Variants in AKR1C3 observed in about 807,000 individuals in gnomAD.
The protein encoded by AKR1C3 is 3-alpha hydroxysteroid dehydrogenase, type II.
A neutral mutation model predicts 43.6 loss-of-function variants in AKR1C3; 48 were observed. That is an observed-to-expected ratio of 1.10 (90% confidence interval 0.87 to 1.40). AKR1C3 has a LOEUF of 1.40. Among genes scored for constraint, AKR1C3 ranks in the 40% most tolerant of loss-of-function variants. AKR1C3 has a pLI of 0.00. For missense variants in AKR1C3, 482 were observed against 391.2 expected (o/e 1.23, Z -1.96); for synonymous variants, 162 against 139.6 (o/e 1.16, Z -1.13).
At chr10:5,062,363 G>A (rs1433475322) in intron 1 of AKR1C3, among the ~76,000 whole-genome samples, 1 of 152,126 alleles carries the variant, frequency 6.6e-6, no homozygotes, top group Non-Finnish European at 1.5e-5. Flanking sequence ...TTCGTGGACT[G>A]TTTTCTGTCT....
At chr10:5,102,434 A>G (rs781990674) in intron 6 of AKR1C3, 51 bp from the exon 7 acceptor site, 1 of 1,253,692 alleles carries the variant, frequency 8.0e-7, no homozygotes, top group Non-Finnish European at 1.1e-6. Flanking sequence ...GGAGCCGCCT[A>G]ACAAACTATC....
Position 5,082,427 on chromosome 10 carries a change from C to T in AKR1C3, c.85-13983C>T, listed in dbSNP as rs191108130. ...ATATGACATTGGCTGTTAATTTGTC[C>T]TAGATGTCCCTTATTATTTTGAGTC... On this transcript the variant is annotated intron_variant, in intron 1 of 8. Transcript: ENST00000439082. Among the ~76,000 whole-genome samples the T allele has an allele frequency of 3.5e-3, 533 of 152,108 alleles. 2 individuals are homozygous for T. Among genetic ancestry groups the T allele is most frequent in the African/African-American group, 4.4e-3 (182 of 41,498 alleles).
At chr10:5,098,333 C>T (rs1397514601) in intron 3 of AKR1C3, among the ~76,000 whole-genome samples, 3 of 152,200 alleles carry the variant, frequency 2.0e-5, no homozygotes, top group African/African-American at 7.2e-5. Context: ...GGCTCATGGT[C>T]ATCACCATAA....
At chr10:5,062,558 A>G (rs1838401218) in intron 1 of AKR1C3, among the ~76,000 whole-genome samples, 1 of 152,196 alleles carries the variant, frequency 6.6e-6, no homozygotes, top group Admixed American at 6.5e-5. Context: ...CAAACCATGT[A>G]AACCAGTGCC....
At chr10:5,057,363 C>G (rs1450764135) in intron 1 of AKR1C3, among the ~76,000 whole-genome samples, 1 of 152,334 alleles carries the variant, frequency 6.6e-6, no homozygotes, top group African/African-American at 2.4e-5. Context: ...GTCTGTTCCT[C>G]TTGGTCCCTA....
intron 1 of AKR1C3, among the ~76,000 whole-genome samples, chr10:5,067,321 C>T (rs1044625185): frequency 6.6e-6 from 1 of 152,246 alleles, no homozygotes; most frequent in Admixed American, 6.5e-5. Flanking sequence ...AAAAGATATT[C>T]ACATCAAGGA....
intron 1 of AKR1C3, among the ~76,000 whole-genome samples, chr10:5,076,119 TAAATA>T (rs1554781823): frequency 6.6e-6 from 1 of 152,118 alleles, no homozygotes; most frequent in Non-Finnish European, 1.5e-5. Context: ...AAAACACACT[TAAATA>T]AGATGATGTA....
chr10:5,089,224 C>A (rs146422873), intron 1 of AKR1C3, among the ~76,000 whole-genome samples: 1 of 151,948 alleles, frequency 6.6e-6, no homozygotes, highest in Non-Finnish European at 1.5e-5. Context: ...TATGCCTTGT[C>A]GATGTACATT....
chr10:5,105,681 A>C lies in AKR1C3; in HGVS notation c.929+4A>C. 3 of 1,608,964 alleles carry C rather than the reference A, an allele frequency of 1.9e-6. No individual in the cohort carries two copies. Among genetic ancestry groups the C allele is most frequent in the Non-Finnish European group, 2.6e-6 (3 of 1,175,862 alleles). On this transcript the variant is annotated splice_donor_region_variant and intron_variant, in intron 8 of 8. Transcript: ENST00000380554. ...TCCACTATTTTAACAGTGATAGGTA[A>C]GTTTCCTTTGTAAATGGGTGATCTA...
chr10:5,063,923 TTCTC>T (rs1247363634), intron 1 of AKR1C3, among the ~76,000 whole-genome samples: 4 of 151,918 alleles, frequency 2.6e-5, no homozygotes, highest in African/African-American at 4.8e-5. Flanking sequence ...GAAGAGAAAA[TTCTC>T]TCAATGTCAT....
At chr10:5,103,724 AG>A (rs1554786521) in intron 7 of AKR1C3, among the ~76,000 whole-genome samples, 1 of 152,214 alleles carries the variant, frequency 6.6e-6, no homozygotes, top group East Asian at 1.9e-4. Flanking sequence ...GTCTAGGCTC[AG>A]GGCTGCCACG....
chr10:5,106,354 C>T (rs193064918), intron 8 of AKR1C3, among the ~76,000 whole-genome samples: 75 of 152,138 alleles, frequency 4.9e-4, no homozygotes, highest in African/African-American at 1.8e-3. Context: ...GGCAGAAGCT[C>T]CATTGTTGTA....
chr10:5,075,886 A>AT (rs1554781786), intron 1 of AKR1C3, among the ~76,000 whole-genome samples: 1 of 151,632 alleles, frequency 6.6e-6, no homozygotes, highest in Admixed American at 6.6e-5. Context: ...AAAAAAAAAA[A>AT]GTCAAGGAAT....
intron 1 of AKR1C3, among the ~76,000 whole-genome samples, chr10:5,061,089 C>A (rs1164180484): frequency 2.0e-5 from 3 of 152,192 alleles, no homozygotes; most frequent in African/African-American, 7.2e-5. Context: ...AAGGGGCTCC[C>A]ACAGTGCAGC....
chr10:5,086,898 C>A (rs1209707845), intron 1 of AKR1C3, among the ~76,000 whole-genome samples: 2 of 152,046 alleles, frequency 1.3e-5, no homozygotes, highest in East Asian at 1.9e-4. Flanking sequence ...AGGATTGCAA[C>A]CCCTGCCTTT....
At chr10:5,082,995 G>A (rs1327303974) in intron 1 of AKR1C3, among the ~76,000 whole-genome samples, 2 of 152,080 alleles carry the variant, frequency 1.3e-5, no homozygotes, top group South Asian at 2.1e-4. Context: ...TACTCATTAT[G>A]GGTCTGCTCT....
Position 5,073,897 on chromosome 10 carries a change from G to A in AKR1C3, c.85-22513G>A, listed in dbSNP as rs139234354. 6.6e-5 allele frequency among the ~76,000 whole-genome samples: 10 copies of A among 152,038 alleles called. No homozygotes were observed. In the East Asian group the frequency reaches 1.9e-3, roughly 29 times the overall value. ...CCAAAATATTTCACTCTTGGGAAAG[G>A]AAGATAAATCTTAGGGCCCCAAAAT... On this transcript the variant is annotated intron_variant, in intron 1 of 8. Coordinates refer to the AKR1C3 transcript ENST00000439082.
intron 8 of AKR1C3, among the ~76,000 whole-genome samples, chr10:5,106,188 C>T (rs782091581): frequency 6.6e-6 from 1 of 152,152 alleles, no homozygotes; most frequent in African/African-American, 2.4e-5. Flanking sequence ...TCCTCCTTCT[C>T]CTTGCATGTT....
chr10:5,091,045 T>A (rs988498837), upstream of AKR1C3, among the ~76,000 whole-genome samples: 22 of 151,908 alleles, frequency 1.4e-4, no homozygotes, highest in African/African-American at 5.3e-4. Flanking sequence ...AGGATGAGAG[T>A]AATTAGATAC....
Sources: allele counts gnomAD v4.1 joint callset (sites outside exome capture counted in the v4.1 genomes callset), GRCh38; gene constraint gnomAD v4.1.1; transcripts MANE v1.5; gene names NCBI Gene and HGNC (gene_info 2026-07-23, HGNC 2026-07-21).